The following ARHGAP35 variants were observed in gnomAD, a reference collection of about 807,000 sequenced individuals.
ARHGAP35 encodes the protein Rho GTPase activating protein 35.
A neutral mutation model predicts 111.1 loss-of-function variants in ARHGAP35; 15 were observed. The observed-to-expected ratio is 0.13, with a 90% confidence interval of 0.09 to 0.21. The LOEUF (loss-of-function observed/expected upper bound fraction) is 0.21, where lower values mean the gene tolerates loss of function less well. Ranked by LOEUF, ARHGAP35 falls within the 10% of genes least tolerant of loss-of-function variation. ARHGAP35 has a pLI of 1.00. For missense variants in ARHGAP35, 1,262 were observed against 1,873.0 expected, an observed-to-expected ratio of 0.67 and a Z score of 6.02; for synonymous variants, 643 against 710.3, an observed-to-expected ratio of 0.91 and a Z score of 1.51.
chr19:46,915,927 C>A (rs1386774713), intron 1 of ARHGAP35, among the ~76,000 whole-genome samples: 2 of 144,358 alleles, frequency 1.4e-5, no homozygotes, highest in Non-Finnish European at 3.0e-5. Flanking sequence ...GGAATCCAAA[C>A]TCTTTTTTTT....
intron 3 of ARHGAP35, among the ~76,000 whole-genome samples, chr19:46,977,761 G>C (rs1011312930): frequency 3.9e-5 from 6 of 152,216 alleles, no homozygotes; most frequent in African/African-American, 4.8e-5. Flanking sequence ...GACTGCCCGG[G>C]TGTGAATCCC....
At chr19:46,904,274 C>T (rs911772279) in intron 1 of ARHGAP35, among the ~76,000 whole-genome samples, 1 of 152,200 alleles carries the variant, frequency 6.6e-6, no homozygotes, top group Non-Finnish European at 1.5e-5. Context: ...CCCAGCTTGG[C>T]CTGCCTTCCA....
At chr19:46,879,784 CAA>C (rs35769391) in intron 1 of ARHGAP35, among the ~76,000 whole-genome samples, 46 of 97,406 alleles carry the variant, frequency 4.7e-4, no homozygotes, top group Non-Finnish European at 6.1e-4. Context: ...ACTCTTGTCT[CAA>C]AAAAAAAAAA....
In ARHGAP35 at chr19:46,930,021, C is replaced by T. The variant is rs146665485; in HGVS notation, c.3682-7243C>T. Among the ~76,000 whole-genome samples the T allele has an allele frequency of 3.3e-5, 5 of 152,144 alleles. No homozygotes were observed. The East Asian group carries it at 5.8e-4, about 18-fold the overall frequency. Reference sequence around the variant, plus strand: ...TAAGCAGTCCTCCCATCTGGGCTTCCCAAAGTGTTGGGATTACAGGCATGA... The same window carrying T: ...TAAGCAGTCCTCCCATCTGGGCTTCTCAAAGTGTTGGGATTACAGGCATGA... On this transcript the variant is annotated intron_variant, in intron 2 of 6. Coordinates refer to ENST00000672722, the MANE Select transcript of ARHGAP35 (RefSeq NM_004491.5).
At position 46,918,993 on chromosome 19, in the gene ARHGAP35, A is replaced by G. The variant is rs527388708; in HGVS notation, c.318A>G (p.Gln106=). The G allele has an allele frequency of 7.7e-5, 124 of 1,613,862 alleles. No individual in the cohort carries two copies. In the East Asian group the frequency reaches 1.6e-3, roughly 21 times the overall value. The change falls in exon 2 of 7, where the codon CAA becomes CAG. Residue 106 remains glutamine (Q), a synonymous_variant. Transcript: ENST00000672722. This position sits in a 1 kb window ranked among gnomAD's most constrained non-coding sequence, Gnocchi z 5.4. The stretch of plus-strand genomic sequence containing the variant: ...AATTTATTGATGATCAGACTTTTCA[A>G]CCTCATCGAAGCACGGCCCTGCAGC... ...QTEFIDDQTF[Q]PHRSTALQPY... is the part of the protein sequence containing the mutation.
intron 1 of ARHGAP35, among the ~76,000 whole-genome samples, chr19:46,905,276 TCAG>T (rs1478636695): frequency 6.6e-6 from 1 of 151,984 alleles, no homozygotes; most frequent in East Asian, 1.9e-4. Flanking sequence ...GCCTATAATC[TCAG>T]CACTTTGGGA....
chr19:46,929,458 A>G (rs2056258573), intron 2 of ARHGAP35, among the ~76,000 whole-genome samples: 1 of 152,154 alleles, frequency 6.6e-6, no homozygotes, highest in African/African-American at 2.4e-5. Flanking sequence ...AGTCCATAGT[A>G]TGCTACCACA....
intron 1 of ARHGAP35, among the ~76,000 whole-genome samples, chr19:46,880,678 A>G (rs1045756377): frequency 2.6e-5 from 4 of 151,428 alleles, no homozygotes; most frequent in African/African-American, 9.7e-5. Context: ...ATTTTATTTT[A>G]TTTTTATTTT....
intron 2 of ARHGAP35, among the ~76,000 whole-genome samples, chr19:46,932,409 T>A (rs1048449018): frequency 6.6e-6 from 1 of 152,232 alleles, no homozygotes; most frequent in African/African-American, 2.4e-5. Context: ...AGAAGATGGA[T>A]GTTGGGTGTT....
At chr19:46,978,920 TG>T in intron 3 of ARHGAP35, among the ~76,000 whole-genome samples, 1 of 107,616 alleles carries the variant, frequency 9.3e-6, no homozygotes, top group Non-Finnish European at 1.9e-5. Context: ...GGTGTGTGTG[TG>T]GTGGGGTTTG....
intron 1 of ARHGAP35, among the ~76,000 whole-genome samples, chr19:46,892,136 A>AG (rs1700882101): frequency 6.7e-6 from 1 of 149,832 alleles, no homozygotes; most frequent in Admixed American, 6.7e-5. Context: ...AAAAAAAAAA[A>AG]AAAAAAAAAA....
intron 1 of ARHGAP35, among the ~76,000 whole-genome samples, chr19:46,864,723 G>A (rs1599787757): frequency 6.6e-6 from 1 of 152,070 alleles, no homozygotes; most frequent in East Asian, 1.9e-4. Context: ...GTATGGCATG[G>A]GTTTTCACCA....
Position 46,918,663 on chromosome 19 carries a change from G to C in ARHGAP35, c.-13G>C, listed in dbSNP as rs772819537. The C allele has an allele frequency of 5.0e-6, 8 of 1,606,754 alleles. No homozygotes were observed. The highest frequency in any genetic ancestry group is 6.8e-6 in the Non-Finnish European group (8 of 1,175,352). On this transcript the variant is annotated 5_prime_UTR_variant, in exon 2 of 7. Transcript: ENST00000672722. This position sits in a 1 kb window ranked among gnomAD's most constrained non-coding sequence, Gnocchi z 5.4. ...ATCTCAGAAGTGGCTGATCGTGGCAGGATGTGTCGACGATGATGATGGCAA... is the reference window on the plus strand; with the variant it reads ...ATCTCAGAAGTGGCTGATCGTGGCACGATGTGTCGACGATGATGATGGCAA...
At position 46,961,210 on chromosome 19, in the gene ARHGAP35, T is replaced by C. The variant is rs1382321329; in HGVS notation, c.3826+23802T>C. Among the ~76,000 whole-genome samples the C allele has an allele frequency of 2.0e-5, 3 of 152,172 alleles. No individual in the cohort carries two copies. The East Asian group carries it at 5.8e-4, about 29-fold the overall frequency. On this transcript the variant is annotated intron_variant, in intron 3 of 6. Coordinates refer to ENST00000672722, the MANE Select transcript of ARHGAP35 (RefSeq NM_004491.5). The stretch of plus-strand genomic sequence containing the variant: ...GCGCCCAGCCAACTGTATAATAATT[T>C]GTTTAATCAGTCTCCTGTTAAAAGA...
chr19:46,880,660 T>A (rs2055956750), intron 1 of ARHGAP35, among the ~76,000 whole-genome samples: 1 of 152,040 alleles, frequency 6.6e-6, no homozygotes, highest in Non-Finnish European at 1.5e-5. Context: ...ATCATGAATC[T>A]TCTTTTTATT....
chr19:46,885,993 A>C (rs2055991534), intron 1 of ARHGAP35, among the ~76,000 whole-genome samples: 1 of 152,164 alleles, frequency 6.6e-6, no homozygotes, highest in Non-Finnish European at 1.5e-5. Context: ...CTTAAAGTAC[A>C]ATCAAAGCCT....
intron 3 of ARHGAP35, among the ~76,000 whole-genome samples, chr19:46,981,396 G>C (rs2056619593): frequency 6.6e-6 from 1 of 152,164 alleles, no homozygotes; most frequent in Non-Finnish European, 1.5e-5. Flanking sequence ...TCTAAATATA[G>C]AAAGTAAAAA....
rs1022243553 is a variant in ARHGAP35, at chr19:46,908,446, C to T, written c.-188-10042C>T. 6.6e-5 allele frequency among the ~76,000 whole-genome samples: 10 copies of T among 152,168 alleles called. No homozygotes were observed. The highest frequency in any genetic ancestry group is 1.3e-4 in the Admixed American group (2 of 15,288). On this transcript the variant is annotated intron_variant, in intron 1 of 6. Transcript: ENST00000672722. The surrounding 1 kb of genome is among the most constrained non-coding windows in gnomAD (Gnocchi z 4.2). ...TGCCTTGGTTTTGTATTCCCTTTGA[C>T]GTAGAATATTTTTACAGCTTATCAG...
At chr19:46,990,076 T>C (rs1456174572) in intron 5 of ARHGAP35, among the ~76,000 whole-genome samples, 2 of 152,214 alleles carry the variant, frequency 1.3e-5, no homozygotes, top group Non-Finnish European at 2.9e-5. Context: ...GCCTATTTAA[T>C]AGTAGGTCTT....
Sources: gnomAD v4.1 joint callset for allele counts (sites outside exome capture counted in the v4.1 genomes callset) on GRCh38, gnomAD v4.1.1 for gene constraint, Gnocchi (gnomAD v3.1) non-coding constraint, MANE v1.5 for transcripts, NCBI Gene and HGNC (gene_info 2026-07-23, HGNC 2026-07-21) for gene names.